ARK2C: variants seen among roughly 807,000 people sequenced by gnomAD.
ARK2C encodes E3 ubiquitin-protein ligase ARK2C.
chr18:46,334,815 C>T, the ARK2C span: 4 of 158,908 alleles, frequency 2.5e-5, no homozygotes, highest in South Asian at 3.0e-4. The surrounding 1 kb of genome is among the most constrained non-coding windows in gnomAD (Gnocchi z 4.4). Flanking sequence ...GTTTTGTATT[C>T]ATTTTTTGTT....
the ARK2C span, among the ~76,000 whole-genome samples, chr18:46,383,682 G>A: frequency 1.3e-5 from 2 of 151,338 alleles, no homozygotes; most frequent in African/African-American, 4.9e-5. Context: ...AGCCTCCCGA[G>A]TAGCTGGGAC....
At chr18:46,398,455 C>T in the ARK2C span, among the ~76,000 whole-genome samples, 1 of 152,024 alleles carries the variant, frequency 6.6e-6, no homozygotes, top group Admixed American at 6.5e-5. Context: ...CCCTTACCCC[C>T]AAGGTGCCTG....
At chr18:46,352,024 C>T in the ARK2C span, among the ~76,000 whole-genome samples, 5 of 152,210 alleles carry the variant, frequency 3.3e-5, no homozygotes, top group Non-Finnish European at 7.4e-5. Flanking sequence ...TGGAGTCTTC[C>T]TGCCCTGGTG....
At chr18:46,404,570 A>G in the ARK2C span, among the ~76,000 whole-genome samples, 2 of 152,168 alleles carry the variant, frequency 1.3e-5, no homozygotes, top group African/African-American at 4.8e-5. Flanking sequence ...CCTGACTAAC[A>G]TGGTGAAACC....
the ARK2C span, among the ~76,000 whole-genome samples, chr18:46,441,580 T>A: frequency 6.6e-6 from 1 of 151,950 alleles, no homozygotes. Flanking sequence ...TCATTTGTAC[T>A]ACTCTTTAGA....
chr18:46,373,447 C>T, the ARK2C span, among the ~76,000 whole-genome samples: 5 of 152,222 alleles, frequency 3.3e-5, no homozygotes, highest in African/African-American at 1.2e-4. Flanking sequence ...GACAGTGCCC[C>T]ACAGTATCCT....
At chr18:46,383,272 T>C in the ARK2C span, among the ~76,000 whole-genome samples, 1 of 152,214 alleles carries the variant, frequency 6.6e-6, no homozygotes. Flanking sequence ...AAGTCAAAAT[T>C]TCAAAATGTG....
At chr18:46,365,425 G>T in the ARK2C span, among the ~76,000 whole-genome samples, 1 of 152,236 alleles carries the variant, frequency 6.6e-6, no homozygotes, top group Middle Eastern at 3.2e-3. Context: ...GTCTTCACAA[G>T]AATCTGGCTC....
chr18:46,374,290 C>T, the ARK2C span, among the ~76,000 whole-genome samples: 1 of 152,112 alleles, frequency 6.6e-6, no homozygotes. Flanking sequence ...CCATTTTAAC[C>T]ATTAAGTGCC....
At chr18:46,381,584 A>G in the ARK2C span, among the ~76,000 whole-genome samples, 1 of 152,146 alleles carries the variant, frequency 6.6e-6, no homozygotes, top group Non-Finnish European at 1.5e-5. Context: ...TAGTGCCAAC[A>G]GTTTGGGAGG....
chr18:46,360,776 T>C, the ARK2C span, among the ~76,000 whole-genome samples: 1 of 152,094 alleles, frequency 6.6e-6, no homozygotes, highest in African/African-American at 2.4e-5. Flanking sequence ...ACGAGGCGGG[T>C]ATGTGGAATC....
the ARK2C span, among the ~76,000 whole-genome samples, chr18:46,349,745 GTGGAGTT>G: frequency 6.6e-6 from 1 of 152,118 alleles, no homozygotes; most frequent in Non-Finnish European, 1.5e-5. Flanking sequence ...ATTCCTTGAA[GTGGAGTT>G]TCTTGCCTAT....
the ARK2C span, among the ~76,000 whole-genome samples, chr18:46,395,139 G>A: frequency 4.6e-5 from 7 of 152,230 alleles, no homozygotes; most frequent in Non-Finnish European, 7.3e-5. Flanking sequence ...ATGGGGTGGA[G>A]GGATTAAAAG....
chr18:46,365,707 G>A, the ARK2C span, among the ~76,000 whole-genome samples: 1 of 152,118 alleles, frequency 6.6e-6, no homozygotes, highest in African/African-American at 2.4e-5. Flanking sequence ...GTTTCACAAT[G>A]TTGTCCAGGC....
chr18:46,390,166 C>T, the ARK2C span, among the ~76,000 whole-genome samples: 1 of 152,234 alleles, frequency 6.6e-6, no homozygotes, highest in East Asian at 1.9e-4. Context: ...GTGGGATGAG[C>T]CAGGCTGGCA....
chr18:46,457,591 G>A, the ARK2C span: 3 of 152,746 alleles, frequency 2.0e-5, no homozygotes, highest in South Asian at 2.1e-4. Flanking sequence ...CTAAACCAGG[G>A]AGGGCTCGGC....
At chr18:46,447,478 C>A in the ARK2C span, 18 of 1,486,908 alleles carry the variant, frequency 1.2e-5, no homozygotes, top group Non-Finnish European at 6.5e-6. Flanking sequence ...TCCAATTCTA[C>A]TCCATAGGCT....
At chr18:46,399,536 G>A in the ARK2C span, among the ~76,000 whole-genome samples, 2 of 152,198 alleles carry the variant, frequency 1.3e-5, no homozygotes, top group South Asian at 4.1e-4. Flanking sequence ...ACAGAGTCAG[G>A]GGGCCAGGGC....
At chr18:46,336,015 G>T in the ARK2C span, 1 of 985,300 alleles carries the variant, frequency 1.0e-6, no homozygotes, top group African/African-American at 1.7e-5. Context: ...TTAAGCGGCA[G>T]TATCCCCTAT....
Sources: gnomAD v4.1 joint callset for allele counts (sites outside exome capture counted in the v4.1 genomes callset) on GRCh38, gnomAD v4.1.1 for gene constraint, Gnocchi (gnomAD v3.1) non-coding constraint, MANE v1.5 for transcripts, NCBI Gene and HGNC (gene_info 2026-07-23, HGNC 2026-07-21) for gene names.